SPG7: variants seen among roughly 807,000 people sequenced by gnomAD.
SPG7 encodes SPG7 matrix AAA peptidase subunit, paraplegin.
Under a neutral mutation model 81.9 loss-of-function variants are expected in SPG7, and 103 were observed. The ratio of observed to expected loss-of-function variants is 1.26; its 90% CI spans 1.07 to 1.48. The LOEUF is 1.48. Among genes scored for constraint, SPG7 ranks in the 40% most tolerant of loss-of-function variants. The pLI is 0.00. For synonymous variants in SPG7, 534 were observed against 444.2 expected, an observed-to-expected ratio of 1.20 and a Z score of -2.54; for missense variants, 1,241 against 1,087.3, an observed-to-expected ratio of 1.14 and a Z score of -1.99.
chr16:89,555,628 A>AC (rs2058679818), intron 16 of SPG7: 1 of 366,870 alleles, frequency 2.7e-6, no homozygotes, highest in African/African-American at 2.1e-5. Flanking sequence ...AGTTCCTCAG[A>AC]CCTCCCTTGT....
intron 1 of SPG7, 72 bp downstream of exon 1, chr16:89,508,672 G>C: frequency 1.5e-6 from 2 of 1,373,492 alleles, no homozygotes; most frequent in Non-Finnish European, 9.6e-7. Context: ...CGGCGGGGCG[G>C]GTCGGAGGCC....
At chr16:89,546,623 G>C in intron 10 of SPG7, 35 bp from the exon 11 acceptor site, 1 of 1,455,858 alleles carries the variant, frequency 6.9e-7, no homozygotes, top group South Asian at 1.1e-5. Flanking sequence ...AACTAGGCTT[G>C]AGCCCGACTG....
At chr16:89,510,361 A>G in intron 1 of SPG7, 129 bp from the exon 2 acceptor site, 1 of 670,630 alleles carries the variant, frequency 1.5e-6, no homozygotes, top group Non-Finnish European at 2.6e-6. Context: ...ATTACTTTAT[A>G]TTTCAGGGCA....
At chr16:89,523,644 C>T (rs755953596) in intron 3 of SPG7, 8 of 461,846 alleles carry the variant, frequency 1.7e-5, no homozygotes, top group Admixed American at 1.2e-4. Flanking sequence ...CACAGTGGCG[C>T]GATCACGGCT....
At chr16:89,532,428 C>G (rs748885526) in intron 8 of SPG7, 35 bp from the exon 9 acceptor site, 1 of 1,611,144 alleles carries the variant, frequency 6.2e-7, no homozygotes, top group South Asian at 1.1e-5. Context: ...TTTTTATTAA[C>G]TGCCCATTTC....
chr16:89,538,271 C>T (rs1450245344), intron 9 of SPG7: 1 of 152,126 alleles, frequency 6.6e-6, no homozygotes. Context: ...CGAGTACCCT[C>T]CACACCCACA....
intron 16 of SPG7, 86 bp from the exon 17 acceptor site, chr16:89,556,801 C>G (rs569152906): frequency 6.6e-6 from 7 of 1,064,768 alleles, no homozygotes; most frequent in Admixed American, 1.7e-5. Context: ...ACAGACAGGC[C>G]CTCACGCCTC....
chr16:89,530,650 C>T (rs987641000), intron 6 of SPG7, 33 bp from the exon 7 acceptor site: 2 of 1,613,922 alleles, frequency 1.2e-6, no homozygotes, highest in Non-Finnish European at 1.7e-6. Context: ...CCTGACTTCG[C>T]CCAGCTCCTT....
chr16:89,527,679 AC>A (rs977896173), intron 5 of SPG7, among the ~76,000 whole-genome samples: 2 of 152,150 alleles, frequency 1.3e-5, no homozygotes, highest in African/African-American at 4.8e-5. Context: ...TGGACCATGG[AC>A]CCTGACAGGT....
chr16:89,524,361 C>A, intron 4 of SPG7, 114 bp downstream of exon 4: 1 of 1,194,888 alleles, frequency 8.4e-7, no homozygotes, highest in Non-Finnish European at 1.2e-6. Flanking sequence ...CTGTTGCCAT[C>A]CTTTTGGATA....
chr16:89,547,642 C>G (rs892300772), intron 11 of SPG7: 1 of 336,522 alleles, frequency 3.0e-6, no homozygotes, highest in Non-Finnish European at 5.8e-6. Flanking sequence ...AGACAGAGTC[C>G]TACTCTGTCG....
At position 89,542,705 on chromosome 16, in the gene SPG7, C is replaced by T. The variant is rs73264912; in HGVS notation, c.1325-1943C>T. Among the ~76,000 whole-genome samples the T allele has an allele frequency of 8.8e-3, 1,335 of 152,198 alleles. 26 individuals carry two copies. Among genetic ancestry groups the T allele is most frequent in the African/African-American group, 0.031 (1,267 of 41,508 alleles). On this transcript the variant is annotated intron_variant, in intron 9 of 16. Coordinates refer to ENST00000645818, the MANE Select transcript of SPG7 (RefSeq NM_003119.4). ...CCCTGGAGAAGCTGGTCAGGCCCCTCAGCCTCCTCAGAGCGTTCAAGGTCC... is the reference window on the plus strand; with the variant it reads ...CCCTGGAGAAGCTGGTCAGGCCCCTTAGCCTCCTCAGAGCGTTCAAGGTCC...
At chr16:89,534,275 GC>G (rs2058383588) in intron 9 of SPG7, among the ~76,000 whole-genome samples, 1 of 152,104 alleles carries the variant, frequency 6.6e-6, no homozygotes, top group Non-Finnish European at 1.5e-5. Flanking sequence ...TTTGCTATCC[GC>G]CTTCTTTCAA....
At chr16:89,513,760 T>C (rs59627450) in intron 3 of SPG7, among the ~76,000 whole-genome samples, 1 of 1,440 alleles carries the variant, frequency 6.9e-4, no homozygotes, top group African/African-American at 7.6e-4. Flanking sequence ...AAATCAGCGT[T>C]GTTAAGATGG....
At chr16:89,543,512 T>A (rs1003093795) in intron 9 of SPG7, 3 of 151,884 alleles carry the variant, frequency 2.0e-5, no homozygotes, top group Admixed American at 2.0e-4. Flanking sequence ...CTAATTTTTG[T>A]ATTTTAGTAG....
chr16:89,550,263 C>T (rs1267686557), intron 12 of SPG7: 1 of 484,724 alleles, frequency 2.1e-6, no homozygotes, highest in Admixed American at 2.8e-5. Flanking sequence ...ACCTCCGTCT[C>T]TCAGGTTCAA....
rs1053348858 is a variant in SPG7 at position 89,512,958 on chromosome 16, C to A, written c.297C>A (p.Phe99Leu). The A allele has an allele frequency of 7.4e-6, 12 of 1,613,244 alleles. No homozygotes were observed. The highest frequency in any genetic ancestry group is 1.0e-5 in the Non-Finnish European group (12 of 1,179,488). Residue 99 changes from phenylalanine (F) to leucine (L), a missense_variant, in exon 3 of 17, where the codon TTC becomes TTA. Coordinates refer to ENST00000645818, the MANE Select transcript of SPG7 (RefSeq NM_003119.4). Reference sequence around the variant, plus strand: ...CTCTATTTCTCATAGGTGGTACTTTCTATTTTAACACCTCAAGGTTGAAGC... The same window carrying A: ...CTCTATTTCTCATAGGTGGTACTTTATATTTTAACACCTCAAGGTTGAAGC... ...VRLWQLLGGTFYFNTSRLKQK... is the reference protein window; with the variant it reads ...VRLWQLLGGTLYFNTSRLKQK...
intron 9 of SPG7, among the ~76,000 whole-genome samples, chr16:89,534,015 CAATG>C (rs1288297235): frequency 1.3e-5 from 2 of 152,158 alleles, no homozygotes; most frequent in Non-Finnish European, 1.5e-5. Flanking sequence ...CTCTAAAAGA[CAATG>C]AATACGTTCA....
Position 89,508,837 on chromosome 16 carries a change from C to G in SPG7, c.183+237C>G, listed in dbSNP as rs1025897041. The G allele has an allele frequency of 5.7e-5, 39 of 678,848 alleles. 1 individual carries two copies. The East Asian group carries it at 1.1e-3, about 19-fold the overall frequency. 42.1% of individuals were successfully genotyped at this position (678,848 alleles called of 1,614,324 possible). ...GGATCCGCGCAGTCCTCGGCGTGGA[C>G]TTTCCCAACCCGTCTGTTGTGTGTG... On this transcript the variant is annotated intron_variant, in intron 1 of 16. Coordinates refer to ENST00000645818, the MANE Select transcript of SPG7 (RefSeq NM_003119.4).
Sources: gnomAD v4.1 joint callset for allele counts (sites outside exome capture counted in the v4.1 genomes callset) on GRCh38, gnomAD v4.1.1 for gene constraint, MANE v1.5 for transcripts, NCBI Gene and HGNC (gene_info 2026-07-23, HGNC 2026-07-21) for gene names.